Variants in NOL4 observed in about 807,000 individuals in gnomAD.
NOL4 encodes nucleolar protein 4, also known as cancer/testis antigen 125.
A neutral mutation model predicts 75.9 loss-of-function variants in NOL4; 17 were observed. The ratio of observed to expected loss-of-function variants is 0.22; its 90% CI spans 0.15 to 0.34. The LOEUF is 0.34. Among genes scored for constraint, NOL4 ranks in the 10% least tolerant of loss-of-function variants. NOL4 has a pLI of 1.00. For synonymous variants in NOL4, 292 were observed against 289.9 expected (o/e 1.01, Z -0.07); for missense variants, 614 against 793.5 (o/e 0.77, Z 2.72).
At chr18:34,041,783 T>G (rs1321679288) in intron 5 of NOL4, among the ~76,000 whole-genome samples, 1 of 151,956 alleles carries the variant, frequency 6.6e-6, no homozygotes, top group Non-Finnish European at 1.5e-5. Flanking sequence ...AATTTCTTAT[T>G]CTACCTTTAA....
chr18:34,128,074 A>G lies in NOL4; in HGVS notation c.414+1797T>C, dbSNP rs566902449. On this transcript the variant is annotated intron_variant, in intron 2 of 10. Coordinates refer to ENST00000261592, the MANE Select transcript of NOL4 (RefSeq NM_003787.5). Reference sequence around the variant, plus strand: ...GAAACATGTTTATCAATTTATTACAAGTGTTTAGCATGCATAATGGCAATG... The same window carrying G: ...GAAACATGTTTATCAATTTATTACAGGTGTTTAGCATGCATAATGGCAATG... Among the ~76,000 whole-genome samples, 9 of 152,062 alleles carry G rather than the reference A, an allele frequency of 5.9e-5. No individual in the cohort carries two copies. The East Asian group carries it at 1.7e-3, about 29-fold the overall frequency.
chr18:33,967,890 A>C (rs922273362), intron 6 of NOL4, among the ~76,000 whole-genome samples: 1 of 152,130 alleles, frequency 6.6e-6, no homozygotes, highest in African/African-American at 2.4e-5. Context: ...ATTTGAGACC[A>C]GCCTGGCCAA....
Position 34,063,298 on chromosome 18 carries a change from A to G in NOL4, c.772+30167T>C, listed in dbSNP as rs147824137. ...CTGAGCCAAAGGTCTCAACACAAGT[A>G]CTCCCTTATAGGAATATGTGTTGGG... On this transcript the variant is annotated intron_variant, in intron 5 of 10. Coordinates refer to ENST00000261592, the MANE Select transcript of NOL4 (RefSeq NM_003787.5). Among the ~76,000 whole-genome samples, 490 of 151,964 alleles carry G rather than the reference A, an allele frequency of 3.2e-3. 5 individuals are homozygous for G. The highest frequency in any genetic ancestry group is 0.011 in the African/African-American group (472 of 41,462).
chr18:34,195,802 C>A (rs778023497), intron 1 of NOL4, among the ~76,000 whole-genome samples: 8 of 151,898 alleles, frequency 5.3e-5, no homozygotes, highest in Non-Finnish European at 1.0e-4. Flanking sequence ...TGTCACCTTG[C>A]CTGGGATTCT....
At chr18:34,119,911 C>T (rs1391283533) in intron 2 of NOL4, among the ~76,000 whole-genome samples, 1 of 152,058 alleles carries the variant, frequency 6.6e-6, no homozygotes, top group Non-Finnish European at 1.5e-5. Context: ...CTTAAGCCAC[C>T]GCGCCCGGCC....
At chr18:33,861,860 A>T (rs1169199238) in intron 10 of NOL4, among the ~76,000 whole-genome samples, 2 of 152,104 alleles carry the variant, frequency 1.3e-5, no homozygotes, top group African/African-American at 2.4e-5. Context: ...TAATTTATAG[A>T]TTCAATGCCA....
At chr18:34,150,626 T>C (rs1329586121) in intron 1 of NOL4, among the ~76,000 whole-genome samples, 1 of 151,706 alleles carries the variant, frequency 6.6e-6, no homozygotes, top group Non-Finnish European at 1.5e-5. Flanking sequence ...AAAAAATATA[T>C]ACAACTTTTG....
At chr18:34,024,279 G>C (rs1043458227) in intron 5 of NOL4, among the ~76,000 whole-genome samples, 11 of 145,624 alleles carry the variant, frequency 7.6e-5, no homozygotes, top group African/African-American at 2.8e-4. Flanking sequence ...GATGCTCACA[G>C]GGTCCACAAA....
At chr18:34,058,823 GA>G (rs1218227429) in intron 5 of NOL4, among the ~76,000 whole-genome samples, 2 of 151,980 alleles carry the variant, frequency 1.3e-5, no homozygotes, top group Non-Finnish European at 2.9e-5. Context: ...AGGAAAAAAG[GA>G]AACTAAAACA....
At position 34,223,041 on chromosome 18, in the gene NOL4, G is replaced by T. The variant is rs780258232; in HGVS notation, c.213C>A (p.Arg71=). The T allele has an allele frequency of 6.2e-7, 1 of 1,613,436 alleles. No homozygotes were observed. The highest frequency in any genetic ancestry group is 8.5e-7 in the Non-Finnish European group (1 of 1,180,016). ...CTTGCTTGGCGCCGCCGCCTCCCCC[G>T]CGGACCTCGTCCGGCTGGCCCAGCT... is the stretch of plus-strand genomic sequence containing the variant. ...GFQLGQPDEV[R]GGGGGAKQVL... Residue 71 remains arginine (R), a synonymous_variant, in exon 1 of 11, where the codon CGC becomes CGA. Coordinates refer to ENST00000261592, the MANE Select transcript of NOL4 (RefSeq NM_003787.5).
chr18:33,935,990 A>G (rs1361691275), intron 9 of NOL4, among the ~76,000 whole-genome samples: 1 of 152,128 alleles, frequency 6.6e-6, no homozygotes, highest in Non-Finnish European at 1.5e-5. Flanking sequence ...TAATATCACA[A>G]TGTCTAAATT....
chr18:33,917,651 C>T (rs2066805509), intron 9 of NOL4, among the ~76,000 whole-genome samples: 1 of 151,938 alleles, frequency 6.6e-6, no homozygotes, highest in South Asian at 2.1e-4. Context: ...GGTGCTACTA[C>T]ACCTAGTTAA....
At chr18:33,904,041 T>C (rs1156876592) in intron 9 of NOL4, among the ~76,000 whole-genome samples, 10 of 152,154 alleles carry the variant, frequency 6.6e-5, no homozygotes, top group Admixed American at 4.6e-4. Flanking sequence ...ATAAAACTTA[T>C]AGATAAATTG....
chr18:33,999,228 C>CT (rs1382172567), intron 6 of NOL4, among the ~76,000 whole-genome samples: 1 of 149,850 alleles, frequency 6.7e-6, no homozygotes, highest in Non-Finnish European at 1.5e-5. Context: ...GCTGTGTGCT[C>CT]TAACTCCTGG....
chr18:34,038,390 T>C (rs2076004053), intron 5 of NOL4, among the ~76,000 whole-genome samples: 1 of 152,098 alleles, frequency 6.6e-6, no homozygotes, highest in Non-Finnish European at 1.5e-5. Flanking sequence ...TACTACTGGA[T>C]ATCCATCCAA....
chr18:34,109,391 C>A (rs528738221), intron 2 of NOL4, among the ~76,000 whole-genome samples: 7 of 152,098 alleles, frequency 4.6e-5, no homozygotes, highest in Admixed American at 1.3e-4. Context: ...TGGTGGCATG[C>A]ACCTGTAGTC....
chr18:33,881,731 G>A (rs1336847107), intron 10 of NOL4, among the ~76,000 whole-genome samples: 3 of 151,958 alleles, frequency 2.0e-5, no homozygotes, highest in South Asian at 2.1e-4. Flanking sequence ...AACCAAAAAC[G>A]AGCCCGCATT....
chr18:34,109,006 A>T (rs1381628910), intron 2 of NOL4, among the ~76,000 whole-genome samples: 1 of 152,174 alleles, frequency 6.6e-6, no homozygotes, highest in Non-Finnish European at 1.5e-5. Flanking sequence ...TTTAGAGCAC[A>T]CTGGTATGAA....
intron 5 of NOL4, among the ~76,000 whole-genome samples, chr18:34,049,862 G>T (rs2076558575): frequency 6.6e-6 from 1 of 152,098 alleles, no homozygotes; most frequent in South Asian, 2.1e-4. Context: ...ATGTTAGTCA[G>T]ATTCAATGCC....
Sources: gnomAD v4.1 joint callset for allele counts (sites outside exome capture counted in the v4.1 genomes callset) on GRCh38, gnomAD v4.1.1 for gene constraint, MANE v1.5 for transcripts, NCBI Gene and HGNC (gene_info 2026-07-23, HGNC 2026-07-21) for gene names.